The following CSMD3 variants were observed in gnomAD, a reference collection of about 807,000 sequenced individuals.
CSMD3 encodes the protein CUB and Sushi multiple domains 3.
A neutral mutation model predicts 435.2 loss-of-function variants in CSMD3; 177 were observed. The observed-to-expected ratio is 0.41, with a 90% confidence interval of 0.36 to 0.46. The LOEUF is 0.46. Among genes scored for constraint, CSMD3 ranks in the 20% least tolerant of loss-of-function variants. CSMD3 has a pLI of 0.34. For synonymous variants in CSMD3, 1,656 were observed against 1,520.5 expected, an observed-to-expected ratio of 1.09 and a Z score of -2.07; for missense variants, 4,265 against 4,504.6, an observed-to-expected ratio of 0.95 and a Z score of 1.52.
rs180907674 is a variant in CSMD3 at position 112,825,498 on chromosome 8, G to A, written c.1859+4188C>T. Among the ~76,000 whole-genome samples, 146 of 152,160 alleles carry A rather than the reference G, an allele frequency of 9.6e-4. 1 individual carries two copies. Among genetic ancestry groups the A allele is most frequent in the Non-Finnish European group, 4.1e-4 (28 of 68,006 alleles). ...GTTGTGGCTGCTGACCCTCAGATGG[G>A]GTTTCTATGGGGACTTTTTTGTTGT... On this transcript the variant is annotated intron_variant, in intron 12 of 70. Coordinates refer to ENST00000297405, the MANE Select transcript of CSMD3 (RefSeq NM_198123.2).
At chr8:112,997,716 TCTC>T (rs766396532) in intron 6 of CSMD3, among the ~76,000 whole-genome samples, 1 of 151,664 alleles carries the variant, frequency 6.6e-6, no homozygotes. Flanking sequence ...ATGCTAAATC[TCTC>T]CTATTAATTT....
At chr8:113,216,577 T>A (rs543947626) in intron 3 of CSMD3, among the ~76,000 whole-genome samples, 18 of 151,970 alleles carry the variant, frequency 1.2e-4, no homozygotes, top group Non-Finnish European at 2.2e-4. Flanking sequence ...AAACATATTC[T>A]CCCACCAGAA....
intron 53 of CSMD3, among the ~76,000 whole-genome samples, chr8:112,301,304 A>T (rs1047659783): frequency 1.3e-5 from 2 of 151,894 alleles, no homozygotes; most frequent in African/African-American, 4.8e-5. Context: ...AATTGCCTAA[A>T]ATCAGGTTCA....
chr8:112,543,191 A>G (rs1054232730), intron 27 of CSMD3, among the ~76,000 whole-genome samples: 3 of 150,904 alleles, frequency 2.0e-5, no homozygotes, highest in African/African-American at 7.3e-5. Flanking sequence ...TAACGTTGGT[A>G]TTCACAATGA....
rs2075190990 is a variant in CSMD3, at chr8:112,653,828, T to A, written c.3004+2326A>T. The stretch of plus-strand genomic sequence containing the variant: ...GCACACACCACCATGCCTGGCTAAT[T>A]TTTGTATTTTTAGTAGAGATGGGGT... On this transcript the variant is annotated intron_variant, in intron 18 of 70. Coordinates refer to ENST00000297405, the MANE Select transcript of CSMD3 (RefSeq NM_198123.2). 2.0e-5 allele frequency among the ~76,000 whole-genome samples: 3 copies of A among 151,964 alleles called. No individual in the cohort carries two copies. The South Asian group carries it at 6.2e-4, about 32-fold the overall frequency.
At chr8:113,322,741 T>G (rs1460880508) in intron 1 of CSMD3, among the ~76,000 whole-genome samples, 2 of 152,124 alleles carry the variant, frequency 1.3e-5, no homozygotes, top group African/African-American at 4.8e-5. Context: ...AAACCTTCAT[T>G]TATACTGGCT....
intron 53 of CSMD3, among the ~76,000 whole-genome samples, chr8:112,297,233 C>T (rs1170269480): frequency 2.2e-5 from 3 of 139,456 alleles, no homozygotes; most frequent in Non-Finnish European, 4.6e-5. Context: ...AATCATTAAC[C>T]CCAATAGTAA....
intron 10 of CSMD3, among the ~76,000 whole-genome samples, chr8:112,902,677 G>A (rs958396715): frequency 6.6e-6 from 1 of 151,198 alleles, no homozygotes; most frequent in Non-Finnish European, 1.5e-5. Flanking sequence ...CCCTCTTGAT[G>A]AGCCTTATGG....
In CSMD3 at chr8:113,398,688, G is replaced by A. The variant is rs371226962; in HGVS notation, c.178+37989C>T. Among the ~76,000 whole-genome samples the A allele has an allele frequency of 1.1e-4, 17 of 152,086 alleles. No homozygotes were observed. In the East Asian group the frequency reaches 2.9e-3, roughly 26 times the overall value. On this transcript the variant is annotated intron_variant, in intron 1 of 70. Coordinates refer to ENST00000297405, the MANE Select transcript of CSMD3 (RefSeq NM_198123.2). ...TCTTCTAAAATTGTGCTTATTATTA[G>A]CATTGTTCAATACAGTAATTTTCAG... is the stretch of plus-strand genomic sequence containing the variant.
chr8:113,194,397 G>A (rs1252420347), intron 3 of CSMD3, among the ~76,000 whole-genome samples: 1 of 151,190 alleles, frequency 6.6e-6, no homozygotes, highest in Non-Finnish European at 1.5e-5. Context: ...AAAAAGAGAG[G>A]AGAAAGGAAT....
intron 3 of CSMD3, among the ~76,000 whole-genome samples, chr8:113,270,684 A>C (rs2093516290): frequency 6.6e-6 from 1 of 152,086 alleles, no homozygotes. Context: ...AGGGACATGG[A>C]TGAAGCTGGA....
At chr8:112,228,610 T>A (rs1247605386) in intron 70 of CSMD3, 146 bp downstream of exon 70, 1 of 777,458 alleles carries the variant, frequency 1.3e-6, no homozygotes, top group East Asian at 2.6e-5. Context: ...GGAAATAAAT[T>A]TTTCAGTGTC....
chr8:112,498,290 AG>A (rs1821578358), intron 30 of CSMD3, among the ~76,000 whole-genome samples: 1 of 152,066 alleles, frequency 6.6e-6, no homozygotes, highest in Admixed American at 6.5e-5. Context: ...TTGAATCTAG[AG>A]TAGAGTAAGT....
intron 31 of CSMD3, among the ~76,000 whole-genome samples, chr8:112,477,463 A>G (rs1819168381): frequency 6.6e-6 from 1 of 152,090 alleles, no homozygotes; most frequent in Admixed American, 6.5e-5. Flanking sequence ...CTCATATTGA[A>G]ATGTAATCTC....
intron 65 of CSMD3, among the ~76,000 whole-genome samples, chr8:112,242,495 G>A (rs1263396462): frequency 1.3e-5 from 2 of 152,094 alleles, no homozygotes; most frequent in South Asian, 4.1e-4. Flanking sequence ...GAGAGACACT[G>A]CAGTAGTCCC....
chr8:113,403,890 G>T (rs529190776), intron 1 of CSMD3, among the ~76,000 whole-genome samples: 7 of 151,456 alleles, frequency 4.6e-5, no homozygotes, highest in Non-Finnish European at 8.9e-5. Context: ...TGGCCAAATC[G>T]TATTTTATGA....
At chr8:113,081,600 GC>G (rs2089566885) in intron 5 of CSMD3, among the ~76,000 whole-genome samples, 1 of 152,066 alleles carries the variant, frequency 6.6e-6, no homozygotes, top group Non-Finnish European at 1.5e-5. Context: ...GGTCTCTCCC[GC>G]CTTCTAGGAC....
intron 1 of CSMD3, among the ~76,000 whole-genome samples, chr8:113,323,574 T>C (rs558772701): frequency 1.3e-5 from 2 of 152,324 alleles, no homozygotes; most frequent in South Asian, 4.1e-4. Flanking sequence ...GCATTATTCA[T>C]AAATTAACAA....
intron 1 of CSMD3, among the ~76,000 whole-genome samples, chr8:113,434,626 T>G (rs962703984): frequency 1.3e-5 from 2 of 151,124 alleles, no homozygotes; most frequent in Non-Finnish European, 2.9e-5. Context: ...AAAAAAAATG[T>G]TTTTTACGTA....
Sources: allele counts gnomAD v4.1 joint callset (sites outside exome capture counted in the v4.1 genomes callset), GRCh38; gene constraint gnomAD v4.1.1; transcripts MANE v1.5; gene names NCBI Gene and HGNC (gene_info 2026-07-23, HGNC 2026-07-21).